Variants in TTC19 observed in about 807,000 individuals in gnomAD.
The protein encoded by TTC19 is tetratricopeptide repeat domain 19.
A neutral mutation model predicts 49.5 loss-of-function variants in TTC19; 38 were observed. The ratio of observed to expected loss-of-function variants is 0.77; its 90% CI spans 0.59 to 1.01. The LOEUF is 1.01. Ranked by LOEUF, TTC19 falls within the 50% of genes least tolerant of loss-of-function variation. The pLI is 0.00. For synonymous variants in TTC19, 204 were observed against 185.2 expected (o/e 1.10, Z -0.83); for missense variants, 475 against 477.7 (o/e 0.99, Z 0.05).
In TTC19 at chr17:16,027,739, G is replaced by A. The variant is rs1375597821; in HGVS notation, c.*217G>A. ...CCAACTGATTATGACCTTTCAGGAT[G>A]TCGTCAAGTGATGCTTTCAGTTGTA... is the stretch of plus-strand genomic sequence containing the variant. On this transcript the variant is annotated 3_prime_UTR_variant, in exon 10 of 10. Transcript: ENST00000261647. 6.4e-6 allele frequency: 4 copies of A among 621,112 alleles called. No individual in the cohort carries two copies. Among genetic ancestry groups the A allele is most frequent in the Non-Finnish European group, 1.2e-5 (4 of 335,512 alleles). The allele number at this position is 621,112 out of a possible 1,614,324, so 38.5% of individuals were successfully genotyped here.
chr17:16,011,422 C>T (rs1296241922), intron 7 of TTC19, among the ~76,000 whole-genome samples: 2 of 152,238 alleles, frequency 1.3e-5, no homozygotes, highest in Non-Finnish European at 2.9e-5. Context: ...ATCCACCCGC[C>T]CCAGCCTCCC....
chr17:16,039,147 A>G, intron 2 of TTC19: 1 of 302,164 alleles, frequency 3.3e-6, no homozygotes, highest in South Asian at 6.5e-5. Flanking sequence ...TTGTGTTACA[A>G]TTACAATGCA....
chr17:16,001,206 A>T (rs1482103857), intron 2 of TTC19, among the ~76,000 whole-genome samples: 1 of 152,020 alleles, frequency 6.6e-6, no homozygotes, highest in African/African-American at 2.4e-5. Flanking sequence ...CTGAATGGCT[A>T]CCCACTGCAT....
chr17:16,013,361 G>A (rs937781530), intron 7 of TTC19, among the ~76,000 whole-genome samples: 4 of 152,078 alleles, frequency 2.6e-5, no homozygotes, highest in African/African-American at 9.7e-5. Context: ...TTCTGTGCCA[G>A]GTATTCTAGG....
downstream of TTC19, chr17:16,030,819 G>A (rs1971854054): frequency 5.4e-6 from 1 of 183,978 alleles, no homozygotes; most frequent in South Asian, 2.0e-4. Flanking sequence ...GTGATAGGAG[G>A]GTCTTGGTCA....
At chr17:16,029,936 A>G (rs1360678833), downstream of TTC19, 3 of 156,830 alleles carry the variant, frequency 1.9e-5, no homozygotes, top group East Asian at 1.6e-4. Flanking sequence ...CTGATCTGAC[A>G]TGTTCTCAGA....
chr17:16,043,098 A>C (rs1480190920), intron 2 of TTC19, among the ~76,000 whole-genome samples: 1 of 152,230 alleles, frequency 6.6e-6, no homozygotes, highest in East Asian at 1.9e-4. Flanking sequence ...ACAGGAGAAC[A>C]TGGCATCAGA....
chr17:16,004,171 T>C (rs748053964), intron 5 of TTC19, 30 bp from the exon 6 acceptor site: 9 of 1,607,408 alleles, frequency 5.6e-6, no homozygotes, highest in African/African-American at 2.7e-5. Context: ...TTACTTGTTA[T>C]GAGTTCCCTT....
At chr17:16,007,070 A>AT (rs1185319636) in intron 7 of TTC19, among the ~76,000 whole-genome samples, 7 of 152,164 alleles carry the variant, frequency 4.6e-5, no homozygotes, top group Non-Finnish European at 8.8e-5. Flanking sequence ...GGGTTGAAGT[A>AT]TTGAGAATTT....
In TTC19 at chr17:16,029,309, G is replaced by T; in HGVS notation, c.*1787G>T. Reference sequence around the variant, plus strand: ...TTCATTTACACTGTTGTAAAATAAGGTACTGAAGCAAAAGGAGGACTGATC... The same window carrying T: ...TTCATTTACACTGTTGTAAAATAAGTTACTGAAGCAAAAGGAGGACTGATC... On this transcript the variant is annotated 3_prime_UTR_variant, in exon 10 of 10. Coordinates refer to ENST00000261647, the MANE Select transcript of TTC19 (RefSeq NM_017775.4). The T allele has an allele frequency of 2.2e-6, 1 of 446,470 alleles. No homozygotes were observed. Among genetic ancestry groups the T allele is most frequent in the South Asian group, 1.6e-5 (1 of 62,020 alleles). 27.7% of individuals were successfully genotyped at this position (446,470 alleles called of 1,614,324 possible). A position where few individuals can be genotyped will look rare whatever the true frequency, so the allele number is the denominator to read the frequency against.
rs1970674773 is a variant in TTC19 at position 16,000,163 on chromosome 17, A to C, written c.230A>C (p.Gln77Pro). Residue 77 changes from glutamine (Q) to proline (P), a missense_variant, in exon 2 of 10, where the codon CAG becomes CCG. Physicochemically the swap from Gln to Pro is moderately conservative, Grantham distance 76. Transcript: ENST00000261647. ...CCCGCTGCGGCAGAGGAGGAGGAGCAGCAGGGAGCCGACGGGGCCGCTGCC... is the reference window on the plus strand; with the variant it reads ...CCCGCTGCGGCAGAGGAGGAGGAGCCGCAGGGAGCCGACGGGGCCGCTGCC... The part of the protein sequence containing the change: ...SRPAAAEEEE[Q>P]QGADGAAAED... The C allele has an allele frequency of 1.9e-6, 3 of 1,589,790 alleles. No individual in the cohort carries two copies. The highest frequency in any genetic ancestry group is 1.7e-6 in the Non-Finnish European group (2 of 1,176,784).
chr17:16,002,872 G>A, intron 4 of TTC19, 41 bp downstream of exon 4: 2 of 1,578,028 alleles, frequency 1.3e-6, no homozygotes, highest in Non-Finnish European at 8.7e-7. Flanking sequence ...TTATGAAGGA[G>A]TAGCTTCAAG....
At chr17:16,044,754 G>T in exon 3 of TTC19, 1 of 833,030 alleles carries the variant, frequency 1.2e-6, no homozygotes. Context: ...TTTTGGTCCA[G>T]CTTGTTTGCA....
At chr17:16,043,640 A>C (rs537166584) in intron 2 of TTC19, among the ~76,000 whole-genome samples, 3 of 152,316 alleles carry the variant, frequency 2.0e-5, no homozygotes, top group Admixed American at 1.3e-4. Flanking sequence ...AGAGTTTCCC[A>C]CTTTAAGGGT....
chr17:16,024,955 A>G, intron 7 of TTC19, 62 bp from the exon 8 acceptor site: 6 of 1,506,800 alleles, frequency 4.0e-6, no homozygotes, highest in South Asian at 1.1e-5. Flanking sequence ...TTCTGCTGAC[A>G]TATTTGTGGG....
At chr17:16,023,504 A>G (rs1971446508) in intron 7 of TTC19, 1 of 152,236 alleles carries the variant, frequency 6.6e-6, no homozygotes, top group South Asian at 2.1e-4. Context: ...CATTTACAAA[A>G]TACAGTAATT....
intron 6 of TTC19, 149 bp downstream of exon 6, chr17:16,004,411 A>G (rs1970832142): frequency 2.4e-6 from 2 of 816,758 alleles, no homozygotes. Flanking sequence ...TGAAATTGTC[A>G]GTCTTTTTCC....
rs1441076048 is a variant in TTC19 at position 16,029,120 on chromosome 17, T to C, written c.*1598T>C. On this transcript the variant is annotated 3_prime_UTR_variant, in exon 10 of 10. Transcript: ENST00000261647. The stretch of plus-strand genomic sequence containing the variant: ...CCACTCACCTTTTGCATTGAGAATG[T>C]TTTTACCTTTTCACAACTGCAGGGG... 6.7e-6 allele frequency: 3 copies of C among 447,762 alleles called. No homozygotes were observed. The highest frequency in any genetic ancestry group is 8.9e-6 in the Non-Finnish European group (2 of 223,970). 27.7% of individuals were successfully genotyped at this position (447,762 alleles called of 1,614,324 possible). A position where few individuals can be genotyped will look rare whatever the true frequency, so the allele number is the denominator to read the frequency against.
chr17:16,004,228 C>G lies in TTC19; in HGVS notation c.547C>G (p.Leu183Val), dbSNP rs1247915867. ...QEDNAIIEIS[L>V]KLASIYAAQN... is the part of the protein sequence containing the mutation. The stretch of plus-strand genomic sequence containing the variant: ...GGACAATGCAATAATTGAAATTTCC[C>G]TAAAGCTGGCCAGTATCTATGCTGC... The change falls in exon 6 of 10, where the codon CTA becomes GTA. Residue 183 changes from leucine (L) to valine (V), a missense_variant. By Grantham distance (32) the Leu-to-Val change is conservative. Transcript: ENST00000261647. The G allele has an allele frequency of 1.2e-6, 2 of 1,614,066 alleles. No homozygotes were observed. Among genetic ancestry groups the G allele is most frequent in the African/African-American group, 2.7e-5 (2 of 74,918 alleles).
Sources: gnomAD v4.1 joint callset for allele counts (sites outside exome capture counted in the v4.1 genomes callset) on GRCh38, gnomAD v4.1.1 for gene constraint, MANE v1.5 for transcripts, NCBI Gene and HGNC (gene_info 2026-07-23, HGNC 2026-07-21) for gene names.